RPL28: variants seen among roughly 807,000 people sequenced by gnomAD.
The protein encoded by RPL28 is ribosomal protein L28.
A neutral mutation model predicts 12.5 loss-of-function variants in RPL28; 4 were observed. The observed-to-expected ratio is 0.32, with a 90% CI of 0.16 to 0.73. RPL28 has a LOEUF of 0.73. Ranked by LOEUF, RPL28 falls within the 30% of genes least tolerant of loss-of-function variation. The probability of loss-of-function intolerance (pLI) is 0.66; values close to 1 mark genes in which losing one functional copy is unlikely to be tolerated. For synonymous variants in RPL28, 91 were observed against 72.5 expected (o/e 1.26, Z -1.30); for missense variants, 214 against 197.7 (o/e 1.08, Z -0.49).
In RPL28 at chr19:55,386,315, T is replaced by A. The variant is rs1299300786; in HGVS notation, c.-8-35T>A. On this transcript the variant is annotated intron_variant, in intron 1 of 4. Coordinates refer to ENST00000344063, the MANE Select transcript of RPL28 (RefSeq NM_000991.5). The stretch of plus-strand genomic sequence containing the variant: ...GGCCTAACGCTGCTTTAGTTCTCTG[T>A]GTCTGACGCTTTCCCTGTGCCCGTT... 10 of 1,600,518 alleles carry A rather than the reference T, an allele frequency of 6.2e-6. 1 individual carries two copies. In the Admixed American group the frequency reaches 6.7e-5, roughly 11 times the overall value.
chr19:55,386,011 C>G (rs558413420), intron 1 of RPL28, 46 bp downstream of exon 1: 2 of 280,098 alleles, frequency 7.1e-6, no homozygotes, highest in South Asian at 4.1e-5. Context: ...CGGCCCGCCG[C>G]GCACTCCCTC....
At chr19:55,395,735 G>A (rs1054912079), downstream of RPL28, among the ~76,000 whole-genome samples, 41 of 152,094 alleles carry the variant, frequency 2.7e-4, no homozygotes, top group Admixed American at 6.5e-4. Context: ...GAGCCACCGC[G>A]CCCAGCCTCT....
intron 4 of RPL28, among the ~76,000 whole-genome samples, chr19:55,397,781 T>TGGGAGGG (rs2090033493): frequency 1.7e-5 from 1 of 58,034 alleles, no homozygotes; most frequent in Non-Finnish European, 3.2e-5. Context: ...AGGTGGGAGG[T>TGGGAGGG]GGGAGGTGGG....
rs2123290514 is a variant in RPL28 at position 55,392,008 on chromosome 19, T to G, written c.*3676T>G. On this transcript the variant is annotated 3_prime_UTR_variant, in exon 5 of 5. Transcript: ENST00000344063. ...AGCTGCATTTCCAGCCCAGGCTGTT[T>G]GGCGCTGCCCAGGAATGGTATCAAT... The G allele has an allele frequency of 9.0e-7, 1 of 1,114,210 alleles. No homozygotes were observed. Among genetic ancestry groups the G allele is most frequent in the Non-Finnish European group, 1.1e-6 (1 of 911,326 alleles). 69.0% of individuals were successfully genotyped at this position (1,114,210 alleles called of 1,614,324 possible).
At chr19:55,387,301 G>A in intron 3 of RPL28, 1 of 1,551,664 alleles carries the variant, frequency 6.4e-7, no homozygotes, top group Non-Finnish European at 8.7e-7. Context: ...TTTTTCTCAG[G>A]TCCTTGATTG....
downstream of RPL28, among the ~76,000 whole-genome samples, chr19:55,395,025 C>T (rs546237434): frequency 8.5e-5 from 13 of 152,312 alleles, no homozygotes; most frequent in East Asian, 1.5e-3. Context: ...CTTGTATATG[C>T]ATCGAATGCC....
chr19:55,401,248 G>C (rs1458187710), intron 4 of RPL28: 4 of 694,732 alleles, frequency 5.8e-6, no homozygotes, highest in Non-Finnish European at 9.4e-6. Context: ...ATGGCACCAT[G>C]CAGCGGTCCT....
rs547627546 is a variant in RPL28, at chr19:55,389,574, C to T, written c.*1242C>T. 5.8e-5 allele frequency: 57 copies of T among 985,454 alleles called. No homozygotes were observed. The African/African-American group carries it at 9.6e-4, about 17-fold the overall frequency. The allele number at this position is 985,454 out of a possible 1,614,324, so 61.0% of individuals were successfully genotyped here. A position where few individuals can be genotyped will look rare whatever the true frequency, so the allele number is the denominator to read the frequency against. ...AGGGGACTGTCAGGGCCTCGACTTGCCATTGGTTGGGGTCGTACGGGGCTG... is the reference window on the plus strand; with the variant it reads ...AGGGGACTGTCAGGGCCTCGACTTGTCATTGGTTGGGGTCGTACGGGGCTG... On this transcript the variant is annotated 3_prime_UTR_variant, in exon 5 of 5. Transcript: ENST00000344063.
chr19:55,399,555 C>T (rs191986896), intron 4 of RPL28, among the ~76,000 whole-genome samples: 1 of 152,142 alleles, frequency 6.6e-6, no homozygotes, highest in South Asian at 2.1e-4. Flanking sequence ...TTCAGCCCCT[C>T]TCTTCCCAGA....
rs2089984155 is a variant in RPL28 at position 55,390,898 on chromosome 19, G to A, written c.*2566G>A. The A allele has an allele frequency of 1.0e-6, 1 of 985,296 alleles. No homozygotes were observed. The allele number at this position is 985,296 out of a possible 1,614,324, so 61.0% of individuals were successfully genotyped here. A position where few individuals can be genotyped will look rare whatever the true frequency, so the allele number is the denominator to read the frequency against. ...ACCTCATCTTGGAGAGAGAGATGTT[G>A]GATGGGGCCATCTATTCCAGCTTTA... On this transcript the variant is annotated 3_prime_UTR_variant, in exon 5 of 5. Coordinates refer to ENST00000344063, the MANE Select transcript of RPL28 (RefSeq NM_000991.5).
At chr19:55,396,425 A>G (rs2090022508), downstream of RPL28, among the ~76,000 whole-genome samples, 1 of 147,998 alleles carries the variant, frequency 6.8e-6, no homozygotes, top group Admixed American at 6.9e-5. Flanking sequence ...AAACCACCCA[A>G]GTATTCAACC....
intron 3 of RPL28, 36 bp downstream of exon 3, chr19:55,386,729 C>T (rs773199835): frequency 9.3e-6 from 15 of 1,612,522 alleles, no homozygotes; most frequent in Non-Finnish European, 1.2e-5. Flanking sequence ...AGAGCGGCCC[C>T]TTTCCCGGGT....
Position 55,390,184 on chromosome 19 carries a change from C to G in RPL28, c.*1852C>G, listed in dbSNP as rs10425107. On this transcript the variant is annotated 3_prime_UTR_variant, in exon 5 of 5. Transcript: ENST00000344063. ...TGGTGCATATTGAATGTATAAAGCC[C>G]ACCGGTCCTGAGAGTTTGCTCACTG... 6,785 of 985,404 alleles carry G rather than the reference C, an allele frequency of 6.9e-3. 390 individuals are homozygous for G. In the African/African-American group the frequency reaches 0.11, roughly 16 times the overall value. The allele number at this position is 985,404 out of a possible 1,614,324, so 61.0% of individuals were successfully genotyped here.
Position 55,391,033 on chromosome 19 carries a change from GAC to G in RPL28, c.*2703_*2704del. The G allele has an allele frequency of 6.8e-6, 6 of 883,696 alleles. No individual in the cohort carries two copies. The highest frequency in any genetic ancestry group is 8.1e-6 in the Non-Finnish European group (6 of 737,022). The allele number at this position is 883,696 out of a possible 1,614,324, so 54.7% of individuals were successfully genotyped here. A position where few individuals can be genotyped will look rare whatever the true frequency, so the allele number is the denominator to read the frequency against. On this transcript the variant is annotated 3_prime_UTR_variant, in exon 5 of 5. Transcript: ENST00000344063. ...CATAGTAAAAATGCTGAAAGCCAAA[GAC>G]AAAATTGGGAGAACAAAAGAAAAGC...
At chr19:55,401,443 C>T (rs953632326) in intron 4 of RPL28, 4 of 1,601,936 alleles carry the variant, frequency 2.5e-6, no homozygotes, top group South Asian at 1.1e-5. Context: ...CCACTACAGC[C>T]GCCGCAGCGC....
intron 4 of RPL28, 72 bp from the exon 5 acceptor site, chr19:55,388,171 C>T (rs2089953604): frequency 6.5e-7 from 1 of 1,541,160 alleles, no homozygotes; most frequent in East Asian, 2.3e-5. Context: ...CTACTCCCCA[C>T]ACCCAGCATT....
At position 55,403,107 on chromosome 19, in the gene RPL28, TG is replaced by T; in HGVS notation, c.490del (p.Ala164LeufsTer18). 9 of 914,560 alleles carry T rather than the reference TG, an allele frequency of 9.8e-6. No individual in the cohort carries two copies. The highest frequency in any genetic ancestry group is 1.6e-5 in the Non-Finnish European group (9 of 578,646). 56.7% of individuals were successfully genotyped at this position (914,560 alleles called of 1,614,324 possible). On this transcript the variant is annotated frameshift_variant, in exon 5 of 5. Transcript: ENST00000560055. LOFTEE classifies it high-confidence loss of function. ...GCACCCTTGGCCTCCACCCACTAGA[TG>T]CTAGTGGCACCCCCGAGTTGTGACA...
At chr19:55,386,166 C>T (rs1196828610) in intron 1 of RPL28, 184 bp from the exon 2 acceptor site, 2 of 597,484 alleles carry the variant, frequency 3.3e-6, no homozygotes, top group African/African-American at 1.9e-5. Context: ...TGAATTCGGT[C>T]CCGCCGCCTT....
chr19:55,402,799 C>T (rs2090070461), intron 4 of RPL28: 1 of 653,062 alleles, frequency 1.5e-6, no homozygotes, highest in African/African-American at 1.8e-5. Flanking sequence ...GGAGGCGGTA[C>T]ATGTGGGAGG....
Sources: gnomAD v4.1 joint callset for allele counts (sites outside exome capture counted in the v4.1 genomes callset) on GRCh38, gnomAD v4.1.1 for gene constraint, MANE v1.5 for transcripts, NCBI Gene and HGNC (gene_info 2026-07-23, HGNC 2026-07-21) for gene names.